Variants in GRIK2 observed in about 807,000 individuals in gnomAD.
GRIK2 encodes glutamate ionotropic receptor kainate type subunit 2.
GRIK2 carries 32 observed loss-of-function variants against 100.3 expected under a neutral mutation model. The observed-to-expected ratio is 0.32, with a 90% CI of 0.24 to 0.43. The LOEUF is 0.43. Among genes scored for constraint, GRIK2 ranks in the 20% least tolerant of loss-of-function variants. The pLI, the probability that GRIK2 is intolerant of heterozygous loss-of-function variation, is 1.00. For missense variants in GRIK2, 843 were observed against 1,114.9 expected, an observed-to-expected ratio of 0.76 and a Z score of 3.47; for synonymous variants, 417 against 389.4, an observed-to-expected ratio of 1.07 and a Z score of -0.83.
chr6:102,012,379 A>G (rs943583853), intron 14 of GRIK2, among the ~76,000 whole-genome samples: 1 of 152,154 alleles, frequency 6.6e-6, no homozygotes, highest in African/African-American at 2.4e-5. Context: ...CACAATGCAT[A>G]TAATAATTTG....
At chr6:101,462,079 A>C (rs988720588) in intron 2 of GRIK2, among the ~76,000 whole-genome samples, 2 of 152,144 alleles carry the variant, frequency 1.3e-5, no homozygotes, top group South Asian at 4.1e-4. Flanking sequence ...ATTTTGCTCA[A>C]GTGAAATAGA....
intron 7 of GRIK2, among the ~76,000 whole-genome samples, chr6:101,735,716 T>C (rs563524293): frequency 6.6e-6 from 1 of 152,286 alleles, no homozygotes; most frequent in South Asian, 2.1e-4. Flanking sequence ...TAAGATGAGA[T>C]TTGAGTGAGG....
intron 7 of GRIK2, chr6:101,744,929 C>T (rs1019164735): frequency 6.6e-6 from 1 of 151,954 alleles, no homozygotes. Flanking sequence ...GGGCTGGTTC[C>T]ATATGTTTGC....
intron 14 of GRIK2, among the ~76,000 whole-genome samples, chr6:101,935,964 T>C (rs532084438): frequency 1.3e-5 from 2 of 152,200 alleles, no homozygotes; most frequent in South Asian, 4.1e-4. Context: ...GCCAACTTGC[T>C]CACAAATTAC....
chr6:101,593,059 G>T (rs1778750816), intron 2 of GRIK2, among the ~76,000 whole-genome samples: 1 of 151,924 alleles, frequency 6.6e-6, no homozygotes, highest in South Asian at 2.1e-4. Context: ...ATAAGGCTGA[G>T]ATATTTCCAA....
intron 15 of GRIK2, among the ~76,000 whole-genome samples, chr6:102,048,132 G>A (rs1297082893): frequency 6.6e-6 from 1 of 150,814 alleles, no homozygotes; most frequent in African/African-American, 2.4e-5. Context: ...TTCAATCAAC[G>A]GCGTTGAGAA....
At chr6:102,055,840 T>C (rs1371991795) in intron 16 of GRIK2, among the ~76,000 whole-genome samples, 2 of 152,048 alleles carry the variant, frequency 1.3e-5, no homozygotes, top group Non-Finnish European at 2.9e-5. Flanking sequence ...CTATTTCTAC[T>C]CTTATTACAG....
At chr6:101,526,771 A>G (rs1775178044) in intron 2 of GRIK2, among the ~76,000 whole-genome samples, 1 of 152,214 alleles carries the variant, frequency 6.6e-6, no homozygotes, top group South Asian at 2.1e-4. Context: ...ACTGATACAA[A>G]GAAGTAAGTG....
intron 4 of GRIK2, among the ~76,000 whole-genome samples, chr6:101,636,112 A>G (rs1780997472): frequency 6.6e-6 from 1 of 152,210 alleles, no homozygotes; most frequent in Admixed American, 6.5e-5. Context: ...ATGCCCATCA[A>G]TAATAGACTG....
intron 2 of GRIK2, among the ~76,000 whole-genome samples, chr6:101,416,335 C>T (rs1454481171): frequency 6.6e-6 from 1 of 152,202 alleles, no homozygotes; most frequent in African/African-American, 2.4e-5. Context: ...TGGTCTGAGG[C>T]TGGTCTGAGG....
intron 11 of GRIK2, among the ~76,000 whole-genome samples, chr6:101,880,987 C>T (rs536048421): frequency 1.3e-5 from 2 of 151,898 alleles, no homozygotes; most frequent in African/African-American, 2.4e-5. Context: ...ACTATTTACT[C>T]ATTTCATGTC....
At chr6:101,495,649 T>C (rs1222999099) in intron 2 of GRIK2, among the ~76,000 whole-genome samples, 1 of 152,194 alleles carries the variant, frequency 6.6e-6, no homozygotes, top group Admixed American at 6.5e-5. Context: ...TTATGACAAA[T>C]ATCTTAATGT....
At chr6:101,880,447 A>G (rs895359687) in intron 11 of GRIK2, among the ~76,000 whole-genome samples, 2 of 151,980 alleles carry the variant, frequency 1.3e-5, no homozygotes, top group Non-Finnish European at 2.9e-5. Flanking sequence ...TGCTTCAAAG[A>G]GTTGTGTATA....
chr6:102,007,879 A>G (rs1456212421), intron 14 of GRIK2, among the ~76,000 whole-genome samples: 1 of 152,034 alleles, frequency 6.6e-6, no homozygotes, highest in Admixed American at 6.6e-5. Flanking sequence ...TCCTAAATGT[A>G]GGAAAAAATC....
At chr6:101,532,981 G>A (rs1775517859) in intron 2 of GRIK2, among the ~76,000 whole-genome samples, 1 of 151,798 alleles carries the variant, frequency 6.6e-6, no homozygotes, top group African/African-American at 2.4e-5. Context: ...AAAAGACACA[G>A]AAGGGAGGCT....
intron 7 of GRIK2, among the ~76,000 whole-genome samples, chr6:101,779,750 C>A (rs773542286): frequency 2.6e-5 from 4 of 152,010 alleles, no homozygotes; most frequent in Admixed American, 6.6e-5. Flanking sequence ...ATATTCTCTT[C>A]TAGCTTTCCA....
At chr6:101,966,064 T>C (rs1009382276) in intron 14 of GRIK2, among the ~76,000 whole-genome samples, 1 of 152,120 alleles carries the variant, frequency 6.6e-6, no homozygotes, top group Non-Finnish European at 1.5e-5. Context: ...ATGTGCCAAA[T>C]TCTTGATACA....
intron 2 of GRIK2, among the ~76,000 whole-genome samples, chr6:101,566,371 G>C (rs1230653248): frequency 6.6e-6 from 1 of 152,020 alleles, no homozygotes; most frequent in African/African-American, 2.4e-5. Context: ...GGAATACTAT[G>C]TGGAAAGATA....
At chr6:101,632,261 C>T (rs1396149078) in intron 4 of GRIK2, among the ~76,000 whole-genome samples, 2 of 152,110 alleles carry the variant, frequency 1.3e-5, no homozygotes, top group Admixed American at 6.6e-5. Flanking sequence ...CCCATGAGAA[C>T]TCTTATCACA....
Sources: gnomAD v4.1 joint callset for allele counts (sites outside exome capture counted in the v4.1 genomes callset) on GRCh38, gnomAD v4.1.1 for gene constraint, MANE v1.5 for transcripts, NCBI Gene and HGNC (gene_info 2026-07-23, HGNC 2026-07-21) for gene names.